Variants in MEIOC observed in about 807,000 individuals in gnomAD.
MEIOC encodes meiosis specific with coiled-coil domain, also known as meiosis-specific coiled-coil domain-containing protein MEIOC.
MEIOC carries 9 observed loss-of-function variants against 85.3 expected under a neutral mutation model. That is an observed-to-expected ratio of 0.11 (90% CI 0.06 to 0.18). The LOEUF (loss-of-function observed/expected upper bound fraction) is 0.18, where lower values mean the gene tolerates loss of function less well. MEIOC is among the 10% of genes least tolerant of loss of function. MEIOC has a pLI of 1.00. For missense variants in MEIOC, 898 were observed against 1,129.4 expected, an observed-to-expected ratio of 0.80 and a Z score of 2.94; for synonymous variants, 365 against 393.7, an observed-to-expected ratio of 0.93 and a Z score of 0.86.
At chr17:44,668,668 A>G (rs1187256387) in intron 5 of MEIOC, among the ~76,000 whole-genome samples, 2 of 152,220 alleles carry the variant, frequency 1.3e-5, no homozygotes, top group Non-Finnish European at 2.9e-5. Flanking sequence ...TATAATGTCC[A>G]GGATTTGCTG....
chr17:44,673,307 G>A (rs1432363357), intron 6 of MEIOC, 59 bp from the exon 7 acceptor site: 60 of 1,290,268 alleles, frequency 4.7e-5, no homozygotes, highest in Non-Finnish European at 6.2e-5. Context: ...CTGAAGATTT[G>A]TTTTTACTTA....
chr17:44,676,335 T>C (rs190818178), downstream of MEIOC: 1 of 152,206 alleles, frequency 6.6e-6, no homozygotes, highest in Admixed American at 6.5e-5. Flanking sequence ...GCTCCCGCCA[T>C]TTCTAATCTG....
At position 44,674,185 on chromosome 17, in the gene MEIOC, A is replaced by G. The variant is rs781503964; in HGVS notation, c.2848A>G (p.Asn950Asp). 94 of 1,550,080 alleles carry G rather than the reference A, an allele frequency of 6.1e-5. No homozygotes were observed. In the Middle Eastern group the frequency reaches 6.7e-4, roughly 11 times the overall value. Residue 950 changes from asparagine (N) to aspartate (D), a missense_variant, in exon 8 of 8, where the codon AAC becomes GAC. Physicochemically the swap from Asn to Asp is conservative, Grantham distance 23 (BLOSUM62 1). This residue lies in a region of MEIOC where 164 missense variants were observed against 269.2 expected (regional missense o/e 0.61). Transcript: ENST00000409122. ...TCCAATGAACCAGAGAGGTGAAACA[A>G]ACAAACATTAAGGAAATGCCAGCAG... is the stretch of plus-strand genomic sequence containing the variant. ...SNPMNQRGET[N>D]KH
At position 44,665,499 on chromosome 17, in the gene MEIOC, A is replaced by AG; in HGVS notation, c.464+11_464+12insG. The AG allele has an allele frequency of 1.4e-6, 2 of 1,456,532 alleles. No individual in the cohort carries two copies. The highest frequency in any genetic ancestry group is 1.9e-6 in the Non-Finnish European group (2 of 1,070,314). 90.2% of individuals were successfully genotyped at this position (1,456,532 alleles called of 1,614,324 possible). On this transcript the variant is annotated intron_variant, in intron 4 of 7. Transcript: ENST00000409122. ...ATATTTTGCTGAAGGGTTAGTATAT[A>AG]ATCTATATAGTATATAACAGGCTTT...
intron 1 of MEIOC, 45 bp downstream of exon 1, chr17:44,656,727 C>G (rs1971761389): frequency 7.0e-7 from 1 of 1,426,692 alleles, no homozygotes; most frequent in African/African-American, 1.5e-5. Flanking sequence ...GCCAGACTTG[C>G]AAGAGGCGAC....
At position 44,668,268 on chromosome 17, in the gene MEIOC, T is replaced by C. The variant is rs747174247; in HGVS notation, c.2322+35T>C. ...AGTTAACCACTTAGGAATAACAGTA[T>C]GTTCCTTTTGCCTGTCTTCATTCTG... On this transcript the variant is annotated intron_variant, in intron 5 of 7. Coordinates refer to ENST00000409122, the MANE Select transcript of MEIOC (RefSeq NM_001145080.3). 3 of 1,531,426 alleles carry C rather than the reference T, an allele frequency of 2.0e-6. No individual in the cohort carries two copies. The African/African-American group carries it at 4.2e-5, about 21-fold the overall frequency. The allele number at this position is 1,531,426 out of a possible 1,614,324, so 94.9% of individuals were successfully genotyped here. A position where few individuals can be genotyped will look rare whatever the true frequency, so the allele number is the denominator to read the frequency against.
intron 2 of MEIOC, 141 bp from the exon 3 acceptor site, chr17:44,662,176 C>A: frequency 2.9e-6 from 2 of 687,198 alleles, no homozygotes; most frequent in South Asian, 4.1e-5. Context: ...TGGTATAAAG[C>A]AAGCTTAAGT....
Position 44,666,632 on chromosome 17 carries a change from C to A in MEIOC, c.721C>A (p.Arg241=). ...TGAAGAACAATGGATGTACCCCTCA[C>A]GAAGTGATCATTCTAACTGTCACAA... ...DLEEQWMYPS[R]SDHSNCHNIQ... is the part of the protein sequence containing the mutation. The change falls in exon 5 of 8, where the codon CGA becomes AGA. Residue 241 remains arginine, a synonymous_variant. Coordinates refer to ENST00000409122, the MANE Select transcript of MEIOC (RefSeq NM_001145080.3). 1 of 1,611,306 alleles carries A rather than the reference C, an allele frequency of 6.2e-7. No homozygotes were observed. The highest frequency in any genetic ancestry group is 8.5e-7 in the Non-Finnish European group (1 of 1,178,530).
At position 44,667,467 on chromosome 17, in the gene MEIOC, A is replaced by G; in HGVS notation, c.1556A>G (p.Gln519Arg). 6.2e-7 allele frequency: 1 copy of G among 1,613,752 alleles called. No homozygotes were observed. The highest frequency in any genetic ancestry group is 8.5e-7 in the Non-Finnish European group (1 of 1,179,812). ...TCTAACCATTCTTCAGATTTCCCCCAACTATCATCCACAAACTTAACCCCA... is the reference window on the plus strand; with the variant it reads ...TCTAACCATTCTTCAGATTTCCCCCGACTATCATCCACAAACTTAACCCCA... ...KGSNHSSDFP[Q>R]LSSTNLTPNS... The change falls in exon 5 of 8, where the codon CAA (glutamine) becomes CGA (arginine). Residue 519 changes from glutamine (Q) to arginine (R), a missense_variant. Around this residue, in one of 2 missense-constraint regions of MEIOC, gnomAD observed 734 missense variants for 860.1 expected, o/e 0.85. Transcript: ENST00000409122.
chr17:44,676,818 C>CA (rs777672356), downstream of MEIOC: 9 of 364,246 alleles, frequency 2.5e-5, no homozygotes, highest in Non-Finnish European at 3.4e-5. Context: ...TGATCCGTTT[C>CA]AAAAAACAAA....
chr17:44,656,821 C>A lies in MEIOC; in HGVS notation c.69+139C>A, dbSNP rs967084306. 11 of 8,062 alleles carry A rather than the reference C, an allele frequency of 1.4e-3. 1 individual carries two copies. The South Asian group carries it at 0.017, about 13-fold the overall frequency. The allele number at this position is 8,062 out of a possible 1,614,324, so 0.5% of individuals were successfully genotyped here. On this transcript the variant is annotated intron_variant, in intron 1 of 7. Transcript: ENST00000409122. ...CGGTGGGGAGGCCGAACGGGGCGGGCGGGCGGGGGGCGCGGCGCGGGCTGA... is the reference window on the plus strand; with the variant it reads ...CGGTGGGGAGGCCGAACGGGGCGGGAGGGCGGGGGGCGCGGCGCGGGCTGA...
chr17:44,665,507 T>A lies in MEIOC; in HGVS notation c.464+19T>A. 1 of 1,380,462 alleles carries A rather than the reference T, an allele frequency of 7.2e-7. No homozygotes were observed. The highest frequency in any genetic ancestry group is 9.9e-7 in the Non-Finnish European group (1 of 1,014,834). 85.5% of individuals were successfully genotyped at this position (1,380,462 alleles called of 1,614,324 possible). A position where few individuals can be genotyped will look rare whatever the true frequency, so the allele number is the denominator to read the frequency against. On this transcript the variant is annotated intron_variant, in intron 4 of 7. Transcript: ENST00000409122. ...CTGAAGGGTTAGTATATAATCTATA[T>A]AGTATATAACAGGCTTTTAAACTAA...
intron 6 of MEIOC, among the ~76,000 whole-genome samples, chr17:44,672,360 G>A (rs567988303): frequency 6.6e-5 from 10 of 152,136 alleles, no homozygotes; most frequent in Admixed American, 1.3e-4. Context: ...TAGTTCCCTG[G>A]AGGTTTTTTT....
chr17:44,663,591 T>C (rs979610045), intron 3 of MEIOC, among the ~76,000 whole-genome samples: 2 of 152,176 alleles, frequency 1.3e-5, no homozygotes, highest in Non-Finnish European at 2.9e-5. Context: ...CTATTCTCGC[T>C]TTTGGCTAAG....
rs984774102 is a variant in MEIOC at position 44,675,454 on chromosome 17, C to CT, written c.*1259dup. ...TGAAATTTAATTGAAATATCCTTGA[C>CT]TAGAAACACTGATGTTTTAAATGTT... On this transcript the variant is annotated 3_prime_UTR_variant, in exon 8 of 8. Coordinates refer to ENST00000409122, the MANE Select transcript of MEIOC (RefSeq NM_001145080.3). 1.3e-4 allele frequency: 127 copies of CT among 964,168 alleles called. No individual in the cohort carries two copies. In the African/African-American group the frequency reaches 2.1e-3, roughly 16 times the overall value. The allele number at this position is 964,168 out of a possible 1,614,324, so 59.7% of individuals were successfully genotyped here.
chr17:44,676,249 T>C (rs1319104165), downstream of MEIOC: 2 of 152,206 alleles, frequency 1.3e-5, no homozygotes, highest in Non-Finnish European at 2.9e-5. Flanking sequence ...CTATAAAACA[T>C]TGTACTTCTG....
chr17:44,666,535 C>T lies in MEIOC; in HGVS notation c.624C>T (p.Tyr208=). 6.2e-7 allele frequency: 1 copy of T among 1,609,292 alleles called. No homozygotes were observed. ...DESVSAMEKQ[Y]LRNSNLTPQQ... is the part of the protein sequence containing the mutation. ...CTGTGTCAGCAATGGAAAAGCAATA[C>T]CTGCGTAACAGTAATCTCACACCAC... Residue 208 remains tyrosine (Y), a synonymous_variant, in exon 5 of 8, where the codon TAC becomes TAT. Coordinates refer to ENST00000409122, the MANE Select transcript of MEIOC (RefSeq NM_001145080.3).
At position 44,666,809 on chromosome 17, in the gene MEIOC, C is replaced by G. The variant is rs1219293325; in HGVS notation, c.898C>G (p.Leu300Val). The G allele has an allele frequency of 1.2e-6, 2 of 1,613,244 alleles. No individual in the cohort carries two copies. The highest frequency in any genetic ancestry group is 1.7e-6 in the Non-Finnish European group (2 of 1,179,604). The change falls in exon 5 of 8, where the codon CTT becomes GTT. Residue 300 changes from leucine to valine, a missense_variant. Coordinates refer to ENST00000409122, the MANE Select transcript of MEIOC (RefSeq NM_001145080.3). ...YGRDRICTKG[L>V]EAPLQQKRAE... The stretch of plus-strand genomic sequence containing the variant: ...AAGAGACAGAATATGTACTAAAGGT[C>G]TTGAAGCACCACTACAGCAAAAAAG...
chr17:44,658,763 A>T lies in MEIOC; in HGVS notation c.204+1502A>T, dbSNP rs1209962518. ...AGCCAAGATCATGCCACTGCACTCC[A>T]GCCTGGGTGACAGAGTGAGACTCCC... On this transcript the variant is annotated intron_variant, in intron 2 of 7. Transcript: ENST00000409122. Among the ~76,000 whole-genome samples, 3 of 149,860 alleles carry T rather than the reference A, an allele frequency of 2.0e-5. No homozygotes were observed. In the East Asian group the frequency reaches 6.0e-4, roughly 30 times the overall value.
Sources: gnomAD v4.1 joint callset for allele counts (sites outside exome capture counted in the v4.1 genomes callset) on GRCh38, gnomAD v4.1.1 for gene constraint, gnomAD v4.1.1 regional missense constraint, MANE v1.5 for transcripts, NCBI Gene and HGNC (gene_info 2026-07-23, HGNC 2026-07-21) for gene names.